Variants in IPO8 observed in about 807,000 individuals in gnomAD.
The protein encoded by IPO8 is importin-8.
In IPO8, 65 loss-of-function variants were observed where a neutral mutation model predicts 141.2. That is an observed-to-expected ratio of 0.46 (90% CI 0.38 to 0.57). The LOEUF (loss-of-function observed/expected upper bound fraction) is 0.57. Ranked by LOEUF, IPO8 falls within the 20% of genes least tolerant of loss-of-function variation. IPO8 has a pLI of 0.00. For synonymous variants in IPO8, 411 were observed against 420.3 expected, an observed-to-expected ratio of 0.98 and a Z score of 0.27; for missense variants, 980 against 1,246.8, an observed-to-expected ratio of 0.79 and a Z score of 3.22.
At position 30,649,235 on chromosome 12, in the gene IPO8, G is replaced by A. The variant is rs1044959050; in HGVS notation, c.2173-3C>T. 7.5e-6 allele frequency: 12 copies of A among 1,607,446 alleles called. No individual in the cohort carries two copies. The highest frequency in any genetic ancestry group is 9.4e-6 in the Non-Finnish European group (11 of 1,174,892). ...TCTCCTGCATCTCCACATAGTACCTGCAGTAATTACAATTTAGCTCAGCAG... is the reference window on the plus strand; with the variant it reads ...TCTCCTGCATCTCCACATAGTACCTACAGTAATTACAATTTAGCTCAGCAG... On this transcript the variant is annotated splice_region_variant and splice_polypyrimidine_tract_variant and intron_variant, in intron 19 of 24. Coordinates refer to ENST00000256079, the MANE Select transcript of IPO8 (RefSeq NM_006390.4).
intron 20 of IPO8, among the ~76,000 whole-genome samples, chr12:30,646,500 G>T (rs1458378303): frequency 6.6e-6 from 1 of 152,100 alleles, no homozygotes; most frequent in African/African-American, 2.4e-5. Context: ...TCTAGCCAGG[G>T]CAATTAGTCA....
chr12:30,629,868 A>G lies in IPO8; in HGVS notation c.*992T>C, dbSNP rs2052406444. 6.6e-6 allele frequency: 1 copy of G among 152,130 alleles called. No individual in the cohort carries two copies. The highest frequency in any genetic ancestry group is 2.4e-5 in the African/African-American group (1 of 41,452). 9.4% of individuals were successfully genotyped at this position (152,130 alleles called of 1,614,324 possible). A position where few individuals can be genotyped will look rare whatever the true frequency, so the allele number is the denominator to read the frequency against. On this transcript the variant is annotated 3_prime_UTR_variant, in exon 25 of 25. Coordinates refer to ENST00000256079, the MANE Select transcript of IPO8 (RefSeq NM_006390.4). ...TCTTTTTCCTAGATTAAAAAAAAAT[A>G]TTATAAAATGCTTTGGACCCTAGTC...
In IPO8 at chr12:30,695,123, G is replaced by T; in HGVS notation, c.84+441C>A. The stretch of plus-strand genomic sequence containing the variant: ...TGCCAACCCGACAGGAGGAGGCGGT[G>T]GGCAGCGTGCTCCACAGCAACACCT... On this transcript the variant is annotated intron_variant, in intron 1 of 24. Coordinates refer to ENST00000256079, the MANE Select transcript of IPO8 (RefSeq NM_006390.4). The surrounding 1 kb of genome is among the most constrained non-coding windows in gnomAD (Gnocchi z 4.2). 1 of 431,100 alleles carries T rather than the reference G, an allele frequency of 2.3e-6. No individual in the cohort carries two copies. Among genetic ancestry groups the T allele is most frequent in the Non-Finnish European group, 4.6e-6 (1 of 217,126 alleles). The allele number at this position is 431,100 out of a possible 1,614,324, so 26.7% of individuals were successfully genotyped here.
rs912054258 is a variant in IPO8, at chr12:30,650,036, G to GA, written c.2173-805dup. Among the ~76,000 whole-genome samples the GA allele has an allele frequency of 8.7e-5, 13 of 149,664 alleles. No individual in the cohort carries two copies. In the East Asian group the frequency reaches 1.2e-3, roughly 14 times the overall value. On this transcript the variant is annotated intron_variant, in intron 19 of 24. Transcript: ENST00000256079. ...AGAGAGAACTAAAAGCAAATTCATTGAAAAAAAAGACTTAACGAAGTAAGA... is the reference window on the plus strand; with the variant it reads ...AGAGAGAACTAAAAGCAAATTCATTGAAAAAAAAAGACTTAACGAAGTAAGA...
intron 10 of IPO8, among the ~76,000 whole-genome samples, chr12:30,668,892 CA>C (rs1375136237): frequency 2.0e-5 from 3 of 152,148 alleles, no homozygotes; most frequent in African/African-American, 7.2e-5. Context: ...CCAAAAGGCA[CA>C]AAAACGGATG....
At chr12:30,662,160 G>A (rs149837615) in intron 15 of IPO8, among the ~76,000 whole-genome samples, 167 bp downstream of exon 15, 51 of 152,190 alleles carry the variant, frequency 3.4e-4, no homozygotes, top group African/African-American at 9.2e-4. Context: ...GTAAAAATAC[G>A]GTATTATAAT....
intron 19 of IPO8, 99 bp from the exon 20 acceptor site, chr12:30,649,331 CCA>C (rs2052692375): frequency 3.9e-6 from 3 of 773,918 alleles, no homozygotes; most frequent in Non-Finnish European, 6.2e-6. Context: ...GCCATAGGAA[CCA>C]CAGCTTTGCT....
intron 2 of IPO8, among the ~76,000 whole-genome samples, chr12:30,687,983 C>T (rs754449487): frequency 2.6e-5 from 4 of 152,012 alleles, no homozygotes; most frequent in Non-Finnish European, 5.9e-5. Flanking sequence ...AGGTCTAATA[C>T]CTCTCAACCA....
intron 24 of IPO8, 166 bp downstream of exon 24, chr12:30,631,729 T>C (rs1481499714): frequency 5.2e-6 from 3 of 575,924 alleles, no homozygotes; most frequent in Admixed American, 3.0e-5. Flanking sequence ...TAAGACATCA[T>C]GAGTGATTAA....
chr12:30,632,056 T>A, intron 23 of IPO8, 45 bp from the exon 24 acceptor site: 1 of 1,276,608 alleles, frequency 7.8e-7, no homozygotes, highest in Non-Finnish European at 1.1e-6. Flanking sequence ...CAGCGACTAT[T>A]AATTTACAGA....
At chr12:30,653,461 ATAAT>A (rs2052756014) in intron 17 of IPO8, among the ~76,000 whole-genome samples, 1 of 152,092 alleles carries the variant, frequency 6.6e-6, no homozygotes, top group Non-Finnish European at 1.5e-5. Context: ...AAATGTACAA[ATAAT>A]TAATAATATT....
Position 30,639,564 on chromosome 12 carries a change from T to C in IPO8, c.2440A>G (p.Thr814Ala), listed in dbSNP as rs755971731. The C allele has an allele frequency of 9.3e-6, 15 of 1,613,818 alleles. No homozygotes were observed. The highest frequency in any genetic ancestry group is 7.7e-5 in the South Asian group (7 of 91,084). ...ATCCATTGATTTATAAACTGTACAG[T>C]GATAGGTCCAGGGTTGTGAGGCAAC... The part of the protein sequence containing the change: ...IQLPHNPGPI[T>A]VQFINQWMND... The change falls in exon 21 of 25, where the codon ACT (threonine) becomes GCT (alanine). Residue 814 changes from threonine (T) to alanine (A), a missense_variant. Physicochemically the swap from Thr to Ala is moderately conservative, Grantham distance 58. Transcript: ENST00000256079.
At position 30,680,547 on chromosome 12, in the gene IPO8, C is replaced by G; in HGVS notation, c.574G>C (p.Asp192His). The G allele has an allele frequency of 6.2e-7, 1 of 1,612,438 alleles. No homozygotes were observed. The highest frequency in any genetic ancestry group is 1.1e-5 in the South Asian group (1 of 90,982). ...AGTAATACAGAATAATAGGAGGAATCAGGAAGGAGCTGAACAATTTGTTGC... is the reference window on the plus strand; with the variant it reads ...AGTAATACAGAATAATAGGAGGAATGAGGAAGGAGCTGAACAATTTGTTGC... Reference protein sequence around the residue: ...IQQQIVQLLPDSSYYSVLLQK... With the variant: ...IQQQIVQLLPHSSYYSVLLQK... The change falls in exon 5 of 25, where the codon GAT (aspartate) becomes CAT (histidine). Residue 192 changes from aspartate to histidine, a missense_variant. This residue lies in a region of IPO8 where 924 missense variants were observed against 1,153.9 expected (regional missense o/e 0.80). Coordinates refer to ENST00000256079, the MANE Select transcript of IPO8 (RefSeq NM_006390.4).
intron 20 of IPO8, among the ~76,000 whole-genome samples, chr12:30,642,212 GA>G (rs111659866): frequency 4.0e-5 from 6 of 150,666 alleles, no homozygotes; most frequent in African/African-American, 7.3e-5. Context: ...CAAAAAAACA[GA>G]AAAAAAAATC....
rs1027674872 is a variant in IPO8 at position 30,629,899 on chromosome 12, T to G, written c.*961A>C. On this transcript the variant is annotated 3_prime_UTR_variant, in exon 25 of 25. Coordinates refer to ENST00000256079, the MANE Select transcript of IPO8 (RefSeq NM_006390.4). ...AAATGCTTTGGACCCTAGTCCAACATAGCTGGAATGATAAGTTATTTAAAA... is the reference window on the plus strand; with the variant it reads ...AAATGCTTTGGACCCTAGTCCAACAGAGCTGGAATGATAAGTTATTTAAAA... 6.6e-6 allele frequency: 1 copy of G among 152,190 alleles called. No homozygotes were observed. The highest frequency in any genetic ancestry group is 1.5e-5 in the Non-Finnish European group (1 of 68,026). The allele number at this position is 152,190 out of a possible 1,614,324, so 9.4% of individuals were successfully genotyped here.
At position 30,637,081 on chromosome 12, in the gene IPO8, G is replaced by A. The variant is rs1014293543; in HGVS notation, c.2596C>T (p.Leu866Phe). ...AVVGQIVPSI[L>F]FLFLGLKQVC... is the part of the protein sequence containing the mutation. ...TGCTTTAGGCCAAGGAAAAGGAAAAGAATTGAGGGAACAATCTGTCCCACC... is the reference window on the plus strand; with the variant it reads ...TGCTTTAGGCCAAGGAAAAGGAAAAAAATTGAGGGAACAATCTGTCCCACC... Residue 866 changes from leucine (L) to phenylalanine (F), a missense_variant, in exon 22 of 25, where the codon CTT (leucine) becomes TTT (phenylalanine). Transcript: ENST00000256079. The A allele has an allele frequency of 6.2e-7, 1 of 1,613,870 alleles. No individual in the cohort carries two copies. The highest frequency in any genetic ancestry group is 8.5e-7 in the Non-Finnish European group (1 of 1,179,960).
At chr12:30,675,590 G>A (rs1321846628) in intron 6 of IPO8, among the ~76,000 whole-genome samples, 5 of 151,958 alleles carry the variant, frequency 3.3e-5, no homozygotes, top group African/African-American at 1.2e-4. Flanking sequence ...CACTTTGGGA[G>A]GCCGAGGTGG....
chr12:30,636,866 G>A, intron 22 of IPO8, 116 bp downstream of exon 22: 3 of 844,732 alleles, frequency 3.6e-6, no homozygotes, highest in South Asian at 3.4e-5. Flanking sequence ...TGTTATATGT[G>A]TAGCAGGCCG....
chr12:30,677,270 G>T, intron 5 of IPO8: 1 of 392,190 alleles, frequency 2.5e-6, no homozygotes, highest in South Asian at 2.0e-5. Flanking sequence ...GAACACAGCT[G>T]AAAGATTCTT....
Sources: allele counts gnomAD v4.1 joint callset (sites outside exome capture counted in the v4.1 genomes callset), GRCh38; gene constraint gnomAD v4.1.1; regional missense constraint gnomAD v4.1.1; non-coding constraint Gnocchi (gnomAD v3.1); transcripts MANE v1.5; gene names NCBI Gene and HGNC (gene_info 2026-07-23, HGNC 2026-07-21).